The following ADCK1 variants were observed in gnomAD, a reference collection of about 807,000 sequenced individuals.
ADCK1 encodes aarF domain containing kinase 1.
Under a neutral mutation model 52.3 loss-of-function variants are expected in ADCK1, and 41 were observed. The observed-to-expected ratio is 0.78, with a 90% confidence interval of 0.61 to 1.02. The LOEUF is 1.02. ADCK1 is among the 50% of genes least tolerant of loss of function. The pLI, the probability that ADCK1 is intolerant of heterozygous loss-of-function variation, is 0.00. For synonymous variants in ADCK1, 250 were observed against 274.6 expected, an observed-to-expected ratio of 0.91 and a Z score of 0.89; for missense variants, 658 against 679.5, an observed-to-expected ratio of 0.97 and a Z score of 0.35.
rs916719594 is a variant in ADCK1 at position 77,924,339 on chromosome 14, C to T, written c.859-118C>T. 4.1e-5 allele frequency: 55 copies of T among 1,357,600 alleles called. No individual in the cohort carries two copies. In the Middle Eastern group the frequency reaches 6.7e-4, roughly 17 times the overall value. The allele number at this position is 1,357,600 out of a possible 1,614,324, so 84.1% of individuals were successfully genotyped here. On this transcript the variant is annotated intron_variant, in intron 7 of 10. Coordinates refer to ENST00000238561, the MANE Select transcript of ADCK1 (RefSeq NM_020421.4). ...ACAATCACTCCCACCACAACCGCTC[C>T]GGCCCACCGATTTTCTCTGGCCTCC...
At chr14:77,828,135 T>C (rs113384615) in intron 3 of ADCK1, among the ~76,000 whole-genome samples, 2,253 of 152,236 alleles carry the variant, frequency 0.015, 57 homozygotes, top group African/African-American at 0.051. Context: ...GCCCAATTTT[T>C]GTGTTTTTAG....
chr14:77,815,941 A>G, intron 1 of ADCK1, among the ~76,000 whole-genome samples: 2 of 147,350 alleles, frequency 1.4e-5, no homozygotes, highest in East Asian at 4.1e-4. Context: ...TTAGCCTCCC[A>G]AGTAGCTGGG....
intron 3 of ADCK1, among the ~76,000 whole-genome samples, chr14:77,826,683 G>C (rs2081714509): frequency 6.6e-6 from 1 of 152,200 alleles, no homozygotes; most frequent in South Asian, 2.1e-4. Context: ...AGTTGATTCT[G>C]ATGAGGGTTT....
At chr14:77,816,426 T>A (rs61498143) in intron 1 of ADCK1, among the ~76,000 whole-genome samples, 80,961 of 151,624 alleles carry the variant, frequency 0.53, 23,172 homozygotes, top group Middle Eastern at 0.66. Flanking sequence ...CCTTTCTGAT[T>A]GTGGATCTTA....
chr14:77,922,515 G>A (rs572945537), intron 7 of ADCK1, among the ~76,000 whole-genome samples: 2 of 152,316 alleles, frequency 1.3e-5, no homozygotes, highest in South Asian at 4.1e-4. Context: ...GCACAGCACC[G>A]TGGCATTCTC....
chr14:77,872,522 C>G (rs1244889802), intron 4 of ADCK1, among the ~76,000 whole-genome samples: 1 of 151,918 alleles, frequency 6.6e-6, no homozygotes, highest in Non-Finnish European at 1.5e-5. Flanking sequence ...TTAGGCTCTT[C>G]CCTGTCTTAC....
At chr14:77,910,879 A>C (rs1012776079) in intron 7 of ADCK1, among the ~76,000 whole-genome samples, 4 of 152,182 alleles carry the variant, frequency 2.6e-5, no homozygotes, top group African/African-American at 9.7e-5. Context: ...TTGTAGATAA[A>C]GCCAGTGGTC....
At chr14:77,821,215 T>C (rs1382544291) in intron 2 of ADCK1, 1 of 152,008 alleles carries the variant, frequency 6.6e-6, no homozygotes, top group Non-Finnish European at 1.5e-5. Flanking sequence ...GGATCAGGAA[T>C]GGAATCTTAG....
chr14:77,894,613 T>C (rs1245004453), intron 5 of ADCK1, among the ~76,000 whole-genome samples: 1 of 152,106 alleles, frequency 6.6e-6, no homozygotes, highest in Non-Finnish European at 1.5e-5. Flanking sequence ...TGAAAGTGTA[T>C]GTGTAAAGTG....
At chr14:77,829,790 G>A (rs1468835716) in intron 3 of ADCK1, among the ~76,000 whole-genome samples, 1 of 151,352 alleles carries the variant, frequency 6.6e-6, no homozygotes, top group African/African-American at 2.4e-5. Flanking sequence ...GCATTCATGA[G>A]CAGAGACAAT....
At chr14:77,893,198 T>C (rs2083319518) in intron 5 of ADCK1, among the ~76,000 whole-genome samples, 3 of 152,234 alleles carry the variant, frequency 2.0e-5, no homozygotes, top group Admixed American at 2.0e-4. Flanking sequence ...AGAGCCAGAC[T>C]AATTGGGCCC....
At chr14:77,866,334 G>A (rs184385536) in intron 4 of ADCK1, among the ~76,000 whole-genome samples, 32 of 152,222 alleles carry the variant, frequency 2.1e-4, no homozygotes, top group Admixed American at 1.8e-3. Flanking sequence ...GTTGTTATGC[G>A]GCACATGACT....
At chr14:77,800,304 C>T (rs2081081229) in intron 1 of ADCK1, 134 bp downstream of exon 1, 1 of 152,400 alleles carries the variant, frequency 6.6e-6, no homozygotes. Flanking sequence ...GTTGTGCAGC[C>T]GCCCTGGGCG....
At chr14:77,884,137 C>T (rs1288793598) in intron 4 of ADCK1, among the ~76,000 whole-genome samples, 1 of 152,232 alleles carries the variant, frequency 6.6e-6, no homozygotes, top group African/African-American at 2.4e-5. Context: ...TTGTCCTTCT[C>T]AGACAATGAG....
intron 4 of ADCK1, among the ~76,000 whole-genome samples, chr14:77,873,509 AG>A (rs1285224625): frequency 6.6e-6 from 1 of 152,170 alleles, no homozygotes; most frequent in Admixed American, 6.5e-5. Flanking sequence ...GCCTGACCCC[AG>A]GTGGAGAACT....
At chr14:77,816,446 A>G (rs1211518286) in intron 1 of ADCK1, among the ~76,000 whole-genome samples, 10 of 146,156 alleles carry the variant, frequency 6.8e-5, no homozygotes, top group Admixed American at 7.0e-5. Context: ...AACCCTCCCT[A>G]GAGTAGGTTC....
intron 4 of ADCK1, among the ~76,000 whole-genome samples, chr14:77,861,415 T>A (rs865913296): frequency 2.0e-5 from 3 of 151,050 alleles, no homozygotes; most frequent in African/African-American, 7.3e-5. Flanking sequence ...CGTGTGGGGG[T>A]GTGAGGGCGG....
intron 1 of ADCK1, among the ~76,000 whole-genome samples, chr14:77,816,592 G>A (rs74566901): frequency 0.036 from 5,553 of 152,226 alleles, 149 homozygotes; most frequent in Non-Finnish European, 0.054. Flanking sequence ...GAAGCTTCAC[G>A]CCCTTTCGCT....
intron 5 of ADCK1, among the ~76,000 whole-genome samples, chr14:77,895,643 C>A (rs2083392595): frequency 1.3e-5 from 2 of 152,146 alleles, no homozygotes; most frequent in South Asian, 4.1e-4. Context: ...TAAGTAGATT[C>A]ATTTAAGAAG....
Sources: gnomAD v4.1 joint callset for allele counts (sites outside exome capture counted in the v4.1 genomes callset) on GRCh38, gnomAD v4.1.1 for gene constraint, MANE v1.5 for transcripts, NCBI Gene and HGNC (gene_info 2026-07-23, HGNC 2026-07-21) for gene names.